TESK2: variants seen among roughly 807,000 people sequenced by gnomAD.
The protein encoded by TESK2 is testis associated actin remodelling kinase 2.
In TESK2, 39 loss-of-function variants were observed where a neutral mutation model predicts 57.1. The ratio of observed to expected loss-of-function variants is 0.68; its 90% CI spans 0.53 to 0.89. The LOEUF (loss-of-function observed/expected upper bound fraction) is 0.89. TESK2 is among the 40% of genes least tolerant of loss of function. The pLI is 0.00. For missense variants in TESK2, 646 were observed against 732.1 expected, an observed-to-expected ratio of 0.88 and a Z score of 1.36; for synonymous variants, 249 against 267.9, an observed-to-expected ratio of 0.93 and a Z score of 0.69.
At chr1:45,367,088 T>C (rs138095715) in intron 4 of TESK2, among the ~76,000 whole-genome samples, 5,279 of 152,022 alleles carry the variant, frequency 0.035, 115 homozygotes, top group Middle Eastern at 0.082. Flanking sequence ...GAGCCAACAT[T>C]GCAACACTGC....
chr1:45,365,319 C>T (rs1647865492), intron 4 of TESK2, among the ~76,000 whole-genome samples: 1 of 152,108 alleles, frequency 6.6e-6, no homozygotes, highest in East Asian at 1.9e-4. Flanking sequence ...CTGAAACAGT[C>T]AGTAGTAATG....
Position 45,472,974 on chromosome 1 carries a change from A to G in TESK2, c.-86-15103T>C, listed in dbSNP as rs962596021. 3.1e-5 allele frequency among the ~76,000 whole-genome samples: 4 copies of G among 129,246 alleles called. No individual in the cohort carries two copies. The Admixed American group carries it at 3.1e-4, about 10-fold the overall frequency. 84.8% of individuals were successfully genotyped at this position (129,246 alleles called of 152,430 possible). On this transcript the variant is annotated intron_variant, in intron 1 of 10. Transcript: ENST00000372086. ...AATACGGTGAAACCCTGTCTCTACT[A>G]AAAAAAAAAAAAAAAAAAAATACAA... is the stretch of plus-strand genomic sequence containing the variant.
chr1:45,415,007 C>T, intron 3 of TESK2: 1 of 856,292 alleles, frequency 1.2e-6, no homozygotes, highest in South Asian at 1.4e-5. Flanking sequence ...CGCCAGGAGC[C>T]CCGTACTATC....
At chr1:45,376,676 G>C (rs1029089868) in intron 4 of TESK2, among the ~76,000 whole-genome samples, 1 of 152,098 alleles carries the variant, frequency 6.6e-6, no homozygotes, top group Non-Finnish European at 1.5e-5. Flanking sequence ...AGGAGACTTA[G>C]TTCCATTAGA....
intron 3 of TESK2, among the ~76,000 whole-genome samples, chr1:45,396,837 G>C (rs1231299184): frequency 9.2e-6 from 1 of 108,926 alleles, no homozygotes; most frequent in Non-Finnish European, 1.8e-5. Context: ...TTGAGATGGA[G>C]TCTCACTTCG....
intron 1 of TESK2, among the ~76,000 whole-genome samples, chr1:45,478,179 T>G (rs1653076986): frequency 6.6e-6 from 1 of 152,208 alleles, no homozygotes; most frequent in Non-Finnish European, 1.5e-5. Flanking sequence ...TGCTCACACT[T>G]CAATATCTAT....
intron 3 of TESK2, among the ~76,000 whole-genome samples, chr1:45,391,039 TC>T (rs1199312000): frequency 6.6e-6 from 1 of 151,200 alleles, no homozygotes; most frequent in Non-Finnish European, 1.5e-5. Flanking sequence ...TGCCCCAGCC[TC>T]CCGAGTAGCT....
Position 45,446,994 on chromosome 1 carries a change from G to T in TESK2, c.222+10570C>A, listed in dbSNP as rs1418378246. 3.3e-5 allele frequency among the ~76,000 whole-genome samples: 5 copies of T among 152,236 alleles called. No individual in the cohort carries two copies. The East Asian group carries it at 7.7e-4, about 23-fold the overall frequency. The stretch of plus-strand genomic sequence containing the variant: ...GTACTTTGGGAAGCCAAGGTAGGGG[G>T]ATCATGTAAGCCCAGGAGTTAGAGA... On this transcript the variant is annotated intron_variant, in intron 2 of 10. Transcript: ENST00000372086.
At chr1:45,486,130 A>G (rs1653467233) in intron 1 of TESK2, among the ~76,000 whole-genome samples, 1 of 152,118 alleles carries the variant, frequency 6.6e-6, no homozygotes, top group Admixed American at 6.6e-5. Flanking sequence ...CACTAGTGAG[A>G]CTACACTGAA....
chr1:45,485,876 A>G (rs1383906836), intron 1 of TESK2, among the ~76,000 whole-genome samples: 1 of 146,648 alleles, frequency 6.8e-6, no homozygotes, highest in African/African-American at 2.5e-5. Flanking sequence ...TGTATTATCT[A>G]TTCAAAGATT....
At chr1:45,402,450 T>G (rs1439020202) in intron 3 of TESK2, among the ~76,000 whole-genome samples, 4 of 150,292 alleles carry the variant, frequency 2.7e-5, no homozygotes, top group Admixed American at 2.7e-4. Context: ...CATGCAAAGA[T>G]TGATGAAACC....
intron 2 of TESK2, among the ~76,000 whole-genome samples, chr1:45,431,349 C>T (rs550847893): frequency 2.0e-5 from 3 of 151,682 alleles, no homozygotes; most frequent in South Asian, 2.1e-4. Flanking sequence ...ACCCGGGAGA[C>T]GGAGGTTGCA....
At chr1:45,465,562 T>A (rs960446454) in intron 1 of TESK2, among the ~76,000 whole-genome samples, 7 of 152,148 alleles carry the variant, frequency 4.6e-5, no homozygotes, top group Non-Finnish European at 8.8e-5. Context: ...TAATTGCAAC[T>A]GAGCTGCTTT....
chr1:45,469,684 G>C (rs1336163084), intron 1 of TESK2, among the ~76,000 whole-genome samples: 2 of 152,172 alleles, frequency 1.3e-5, no homozygotes, highest in African/African-American at 4.8e-5. Flanking sequence ...AGTCTCTGAG[G>C]CAAAAGCCTT....
chr1:45,344,234 A>T lies in TESK2; in HGVS notation c.*606T>A, dbSNP rs754971590. 8 of 157,594 alleles carry T rather than the reference A, an allele frequency of 5.1e-5. No individual in the cohort carries two copies. Among genetic ancestry groups the T allele is most frequent in the Non-Finnish European group, 1.1e-4 (8 of 71,038 alleles). The allele number at this position is 157,594 out of a possible 1,614,324, so 9.8% of individuals were successfully genotyped here. On this transcript the variant is annotated 3_prime_UTR_variant, in exon 11 of 11. Transcript: ENST00000372086. ...TATAAATATGAAAATAGATTAATCA[A>T]CAGGAAAAGGTCTTTGAATAGGTTA... is the stretch of plus-strand genomic sequence containing the variant.
At chr1:45,370,025 C>T (rs755305078) in intron 4 of TESK2, among the ~76,000 whole-genome samples, 24 of 152,012 alleles carry the variant, frequency 1.6e-4, no homozygotes, top group Non-Finnish European at 2.5e-4. Flanking sequence ...AAGATGATTT[C>T]TATAGGACAG....
intron 4 of TESK2, among the ~76,000 whole-genome samples, chr1:45,384,377 ATCTATCTATCTG>A (rs1343384600): frequency 6.5e-5 from 9 of 139,012 alleles, no homozygotes; most frequent in South Asian, 4.7e-4. Flanking sequence ...CTATCTATCT[ATCTATCTATCTG>A]TCTATCTATC....
chr1:45,417,715 C>T (rs568999024), intron 3 of TESK2, among the ~76,000 whole-genome samples: 1 of 152,092 alleles, frequency 6.6e-6, no homozygotes, highest in East Asian at 1.9e-4. Flanking sequence ...TCTCAGCCTC[C>T]CGAGTGGCTG....
intron 4 of TESK2, among the ~76,000 whole-genome samples, chr1:45,364,286 C>T (rs1180340447): frequency 6.6e-6 from 1 of 151,940 alleles, no homozygotes; most frequent in Admixed American, 6.6e-5. Context: ...TAGGGCAGGC[C>T]CTTAATCCAA....
Sources: gnomAD v4.1 joint callset for allele counts (sites outside exome capture counted in the v4.1 genomes callset) on GRCh38, gnomAD v4.1.1 for gene constraint, MANE v1.5 for transcripts, NCBI Gene and HGNC (gene_info 2026-07-23, HGNC 2026-07-21) for gene names.